GPC6: variants seen among roughly 807,000 people sequenced by gnomAD.
GPC6 encodes glypican-6.
Under a neutral mutation model 55.2 loss-of-function variants are expected in GPC6, and 14 were observed. That is an observed-to-expected ratio of 0.25 (90% CI 0.17 to 0.40). The LOEUF (loss-of-function observed/expected upper bound fraction) is 0.40, where lower values mean the gene tolerates loss of function less well. Ranked by LOEUF, GPC6 falls within the 10% of genes least tolerant of loss-of-function variation. The pLI is 1.00. For synonymous variants in GPC6, 278 were observed against 259.6 expected, an observed-to-expected ratio of 1.07 and a Z score of -0.68; for missense variants, 641 against 708.5, an observed-to-expected ratio of 0.90 and a Z score of 1.08.
At chr13:93,460,291 G>A (rs1388501211) in intron 1 of GPC6, among the ~76,000 whole-genome samples, 1 of 152,018 alleles carries the variant, frequency 6.6e-6, no homozygotes, top group Non-Finnish European at 1.5e-5. Flanking sequence ...AATTACTGCT[G>A]GTTCTTCAAC....
chr13:93,549,862 A>G (rs190625770), intron 2 of GPC6, among the ~76,000 whole-genome samples: 11 of 152,354 alleles, frequency 7.2e-5, no homozygotes, highest in Non-Finnish European at 1.3e-4. Context: ...TCCACTAAGA[A>G]TGATGAATCC....
chr13:94,175,854 T>C (rs1406019181), intron 4 of GPC6, among the ~76,000 whole-genome samples: 1 of 148,226 alleles, frequency 6.7e-6, no homozygotes, highest in Admixed American at 6.8e-5. Context: ...TAAAAGTATA[T>C]GTACATATTT....
chr13:93,436,201 A>G (rs958440553), intron 1 of GPC6, among the ~76,000 whole-genome samples: 3 of 152,210 alleles, frequency 2.0e-5, no homozygotes, highest in African/African-American at 7.2e-5. Flanking sequence ...CTTGAAAGAC[A>G]AGACACTCTG....
intron 2 of GPC6, among the ~76,000 whole-genome samples, chr13:93,661,832 T>C (rs947530984): frequency 6.6e-6 from 1 of 152,178 alleles, no homozygotes; most frequent in Non-Finnish European, 1.5e-5. Context: ...GAGAATAGTA[T>C]GTCTTCTAAT....
At chr13:94,380,157 T>C (rs9524468) in intron 6 of GPC6, among the ~76,000 whole-genome samples, 8,610 of 152,270 alleles carry the variant, frequency 0.057, 354 homozygotes, top group Non-Finnish European at 0.091. Context: ...GGAGGTAGGA[T>C]TGTAGTACAA....
intron 2 of GPC6, among the ~76,000 whole-genome samples, chr13:93,641,876 A>G (rs1243739451): frequency 1.3e-5 from 2 of 152,142 alleles, no homozygotes; most frequent in African/African-American, 2.4e-5. Flanking sequence ...AAATAAAGCA[A>G]TACATGCCAA....
rs550463349 is a variant in GPC6 at position 93,657,434 on chromosome 13, A to G, written c.319+112013A>G. Among the ~76,000 whole-genome samples, 8 of 152,172 alleles carry G rather than the reference A, an allele frequency of 5.3e-5. No individual in the cohort carries two copies. In the East Asian group the frequency reaches 1.4e-3, roughly 26 times the overall value. On this transcript the variant is annotated intron_variant, in intron 2 of 8. Coordinates refer to ENST00000377047, the MANE Select transcript of GPC6 (RefSeq NM_005708.5). Reference sequence around the variant, plus strand: ...TGAAACTGGACCCCTTCCTTTCACCATATACAAAAATTAACTCAAGATGGA... The same window carrying G: ...TGAAACTGGACCCCTTCCTTTCACCGTATACAAAAATTAACTCAAGATGGA...
rs77749966 is a variant in GPC6 at position 93,851,955 on chromosome 13, G to A, written c.711+21410G>A. Among the ~76,000 whole-genome samples, 532 of 151,746 alleles carry A rather than the reference G, an allele frequency of 3.5e-3. 1 individual carries two copies. Among genetic ancestry groups the A allele is most frequent in the African/African-American group, 0.012 (518 of 41,450 alleles). ...TATATGAGACAAAAATATGATAAAC[G>A]TGTTTGGTAAGCAATAGCAGATTCC... On this transcript the variant is annotated intron_variant, in intron 3 of 8. Coordinates refer to ENST00000377047, the MANE Select transcript of GPC6 (RefSeq NM_005708.5).
chr13:93,548,926 T>A (rs1258962477), intron 2 of GPC6, among the ~76,000 whole-genome samples: 1 of 152,220 alleles, frequency 6.6e-6, no homozygotes, highest in Non-Finnish European at 1.5e-5. Context: ...TTGACATTGC[T>A]TCTCCAAGGG....
At chr13:94,113,825 A>G (rs1456665622) in intron 4 of GPC6, among the ~76,000 whole-genome samples, 1 of 151,880 alleles carries the variant, frequency 6.6e-6, no homozygotes, top group Non-Finnish European at 1.5e-5. Flanking sequence ...GTTCTTGACC[A>G]GCCTGGCCAA....
intron 1 of GPC6, among the ~76,000 whole-genome samples, chr13:93,393,652 CT>C (rs1203744325): frequency 1.3e-5 from 2 of 151,860 alleles, no homozygotes; most frequent in Non-Finnish European, 2.9e-5. Context: ...CTCTCTCTCT[CT>C]TTTTTCTTTT....
At chr13:93,246,789 C>CAAA (rs767827311) in intron 1 of GPC6, among the ~76,000 whole-genome samples, 14 of 40,854 alleles carry the variant, frequency 3.4e-4, no homozygotes, top group East Asian at 9.6e-4. Flanking sequence ...AAGACTGTCT[C>CAAA]AAAAAAAAAA....
At chr13:94,113,577 A>G (rs1265282960) in intron 4 of GPC6, among the ~76,000 whole-genome samples, 1 of 150,150 alleles carries the variant, frequency 6.7e-6, no homozygotes, top group Non-Finnish European at 1.5e-5. Flanking sequence ...CTTGTTTACT[A>G]TTACTTGAAC....
intron 2 of GPC6, among the ~76,000 whole-genome samples, chr13:93,552,609 C>T (rs898941244): frequency 1.3e-5 from 2 of 152,178 alleles, no homozygotes; most frequent in East Asian, 1.9e-4. Context: ...AATTCTAAGA[C>T]CCCTACCACA....
At position 94,288,199 on chromosome 13, in the gene GPC6, T is replaced by C. The variant is rs528018219; in HGVS notation, c.1008+1720T>C. ...AACATAACATAGCACCAGACAATAATAAGTAATAGGAAGAAGCTTCTCCTC... is the reference window on the plus strand; with the variant it reads ...AACATAACATAGCACCAGACAATAACAAGTAATAGGAAGAAGCTTCTCCTC... On this transcript the variant is annotated intron_variant, in intron 5 of 8. Coordinates refer to ENST00000377047, the MANE Select transcript of GPC6 (RefSeq NM_005708.5). Among the ~76,000 whole-genome samples, 17 of 152,108 alleles carry C rather than the reference T, an allele frequency of 1.1e-4. 1 individual carries two copies. In the East Asian group the frequency reaches 3.3e-3, roughly 29 times the overall value.
At chr13:93,825,660 A>C (rs1887204379) in intron 2 of GPC6, among the ~76,000 whole-genome samples, 1 of 152,114 alleles carries the variant, frequency 6.6e-6, no homozygotes, top group South Asian at 2.1e-4. Context: ...TTACATAAGC[A>C]AGATGCCTTT....
Position 93,393,346 on chromosome 13 carries a change from G to T in GPC6, c.161-151917G>T, listed in dbSNP as rs183542002. 3.3e-5 allele frequency among the ~76,000 whole-genome samples: 5 copies of T among 151,822 alleles called. No individual in the cohort carries two copies. The East Asian group carries it at 5.8e-4, about 18-fold the overall frequency. On this transcript the variant is annotated intron_variant, in intron 1 of 8. Transcript: ENST00000377047. ...GTAGAGATGGAATTTCACCATGTTG[G>T]CCAGCCTAGTCTAGAACTCCTGATC...
chr13:94,273,761 G>A (rs540796704), intron 4 of GPC6, among the ~76,000 whole-genome samples: 16 of 152,206 alleles, frequency 1.1e-4, no homozygotes, highest in South Asian at 2.1e-4. Flanking sequence ...ACGAAAACAC[G>A]GTAGGAGGCA....
At chr13:94,353,935 A>C (rs1040605462) in intron 6 of GPC6, among the ~76,000 whole-genome samples, 4 of 150,544 alleles carry the variant, frequency 2.7e-5, no homozygotes, top group Non-Finnish European at 5.9e-5. Flanking sequence ...GTGATACTGA[A>C]GAAAAAAAAA....
Sources: gnomAD v4.1 joint callset for allele counts (sites outside exome capture counted in the v4.1 genomes callset) on GRCh38, gnomAD v4.1.1 for gene constraint, MANE v1.5 for transcripts, NCBI Gene and HGNC (gene_info 2026-07-23, HGNC 2026-07-21) for gene names.